PARP4: variants seen among roughly 807,000 people sequenced by gnomAD.
The protein encoded by PARP4 is protein mono-ADP-ribosyltransferase PARP4.
PARP4 carries 120 observed loss-of-function variants against 187.7 expected under a neutral mutation model. The ratio of observed to expected loss-of-function variants is 0.64; its 90% CI spans 0.55 to 0.74. PARP4 has a LOEUF of 0.74. PARP4 is among the 30% of genes least tolerant of loss of function. The probability of loss-of-function intolerance (pLI) is 0.00; values close to 1 mark genes in which losing one functional copy is unlikely to be tolerated. For synonymous variants in PARP4, 654 were observed against 740.9 expected (o/e 0.88, Z 1.90); for missense variants, 1,836 against 2,070.5 (o/e 0.89, Z 2.20).
intron 1 of PARP4, 60 bp from the exon 2 acceptor site, chr13:24,503,837 A>G: frequency 6.9e-7 from 1 of 1,443,114 alleles, no homozygotes; most frequent in Non-Finnish European, 9.7e-7. Flanking sequence ...TGAATTTAGA[A>G]TTATTATACA....
At chr13:24,483,919 G>A (rs143240625) in intron 12 of PARP4, among the ~76,000 whole-genome samples, 3 of 152,144 alleles carry the variant, frequency 2.0e-5, no homozygotes, top group African/African-American at 4.8e-5. Context: ...GAGCTACTGC[G>A]CCTGGCCCCA....
intron 32 of PARP4, among the ~76,000 whole-genome samples, chr13:24,430,354 T>TA (rs971579741): frequency 2.8e-4 from 42 of 151,346 alleles, no homozygotes; most frequent in African/African-American, 7.0e-4. Flanking sequence ...GTATTTTATT[T>TA]AAAAAAAAAA....
At chr13:24,512,466 C>G (rs1438039765) in intron 1 of PARP4, among the ~76,000 whole-genome samples, 2 of 152,090 alleles carry the variant, frequency 1.3e-5, no homozygotes, top group South Asian at 4.1e-4. Flanking sequence ...CCCACCGCAC[C>G]CGGTTTCTCG....
intron 33 of PARP4, among the ~76,000 whole-genome samples, chr13:24,423,564 A>G (rs979105181): frequency 6.6e-6 from 1 of 152,124 alleles, no homozygotes; most frequent in African/African-American, 2.4e-5. Flanking sequence ...ACAAAACAAA[A>G]AAAAAGAAAA....
At chr13:24,509,493 G>C (rs1345971542) in intron 1 of PARP4, among the ~76,000 whole-genome samples, 1 of 143,902 alleles carries the variant, frequency 6.9e-6, no homozygotes, top group Middle Eastern at 3.4e-3. Context: ...GGTGACAAGA[G>C]ACCCTATCTC....
At chr13:24,496,877 G>A (rs953124908) in intron 6 of PARP4, among the ~76,000 whole-genome samples, 10 of 152,134 alleles carry the variant, frequency 6.6e-5, no homozygotes, top group African/African-American at 2.4e-4. Flanking sequence ...ACAAAAATTA[G>A]CCAGGCGTGG....
chr13:24,432,758 A>G (rs760848034), intron 31 of PARP4, among the ~76,000 whole-genome samples: 26 of 151,794 alleles, frequency 1.7e-4, no homozygotes, highest in Non-Finnish European at 2.9e-4. Flanking sequence ...CATGCACTTT[A>G]AAACTACCTT....
At chr13:24,422,055 T>C (rs1361487552) in intron 33 of PARP4, among the ~76,000 whole-genome samples, 1 of 152,190 alleles carries the variant, frequency 6.6e-6, no homozygotes, top group East Asian at 1.9e-4. Flanking sequence ...GTTCCTGAAT[T>C]TTCCCTGTGA....
At chr13:24,433,810 C>T (rs796335511) in intron 31 of PARP4, among the ~76,000 whole-genome samples, 43 of 152,410 alleles carry the variant, frequency 2.8e-4, no homozygotes, top group African/African-American at 8.4e-4. Flanking sequence ...AAGCCCTTTC[C>T]GTTTCACTAA....
chr13:24,500,708 C>T (rs1022063730), intron 3 of PARP4, among the ~76,000 whole-genome samples: 41 of 152,126 alleles, frequency 2.7e-4, no homozygotes, highest in African/African-American at 6.8e-4. Context: ...TCCTGAGAGT[C>T]GGCACATCAC....
chr13:24,463,691 T>C (rs776125372), intron 17 of PARP4, among the ~76,000 whole-genome samples: 2 of 152,134 alleles, frequency 1.3e-5, no homozygotes, highest in Non-Finnish European at 2.9e-5. Context: ...TCCAATATCA[T>C]ACTGAATGGG....
chr13:24,477,538 T>A (rs1873047220), intron 14 of PARP4, among the ~76,000 whole-genome samples, 163 bp downstream of exon 14: 2 of 152,304 alleles, frequency 1.3e-5, no homozygotes, highest in African/African-American at 4.8e-5. Context: ...ATGTTAACAC[T>A]GAGAGAAATT....
intron 25 of PARP4, among the ~76,000 whole-genome samples, chr13:24,449,260 T>G (rs9318564): frequency 2.0e-5 from 3 of 151,668 alleles, no homozygotes; most frequent in East Asian, 3.9e-4. Context: ...TGGTGGCTGG[T>G]GCCTGTAGTA....
intron 26 of PARP4, 33 bp from the exon 27 acceptor site, chr13:24,446,794 G>A (rs1871233400): frequency 7.1e-7 from 1 of 1,414,720 alleles, no homozygotes; most frequent in African/African-American, 1.4e-5. Context: ...TTCCTCATTA[G>A]CCTTTCCACT....
chr13:24,496,310 A>G (rs1868952145), intron 6 of PARP4, among the ~76,000 whole-genome samples: 1 of 152,108 alleles, frequency 6.6e-6, no homozygotes, highest in African/African-American at 2.4e-5. Flanking sequence ...CTTCTTGGAC[A>G]CATTTGACCA....
At chr13:24,478,742 A>G (rs1047698983) in intron 12 of PARP4, among the ~76,000 whole-genome samples, 1 of 152,154 alleles carries the variant, frequency 6.6e-6, no homozygotes, top group Non-Finnish European at 1.5e-5. Context: ...CCTATTTCGC[A>G]TTTCTATGTG....
Position 24,431,457 on chromosome 13 carries a change from G to C in PARP4, c.4766C>G (p.Thr1589Arg), listed in dbSNP as rs1870329876. The change falls in exon 32 of 34, where the codon ACA (threonine) becomes AGA (arginine). Residue 1589 changes from threonine to arginine, a missense_variant. This residue lies in a region of PARP4 where 450 missense variants were observed against 439.2 expected (regional missense o/e 1.02). Transcript: ENST00000381989. ...ATTTAATATAAGTCCCAGTTCTGGT[G>C]TAAGTTTCCAGAAGCCATCCTACAA... ...LQTEDGFWKLTPELGLILNLN... is the reference protein window; with the variant it reads ...LQTEDGFWKLRPELGLILNLN... 1.3e-6 allele frequency: 2 copies of C among 1,587,128 alleles called. No individual in the cohort carries two copies. The highest frequency in any genetic ancestry group is 1.7e-6 in the Non-Finnish European group (2 of 1,169,522).
intron 13 of PARP4, 79 bp from the exon 14 acceptor site, chr13:24,477,936 C>T (rs1873071026): frequency 1.7e-6 from 2 of 1,173,022 alleles, no homozygotes; most frequent in Non-Finnish European, 2.4e-6. Context: ...TTCATAAAAG[C>T]ATGTTTGCTA....
chr13:24,504,781 C>T (rs1490553996), intron 1 of PARP4, among the ~76,000 whole-genome samples: 2 of 151,870 alleles, frequency 1.3e-5, no homozygotes, highest in Non-Finnish European at 2.9e-5. Flanking sequence ...GCAACCTCCA[C>T]CTCCTGGATT....
Sources: allele counts gnomAD v4.1 joint callset (sites outside exome capture counted in the v4.1 genomes callset), GRCh38; gene constraint gnomAD v4.1.1; regional missense constraint gnomAD v4.1.1; transcripts MANE v1.5; gene names NCBI Gene and HGNC (gene_info 2026-07-23, HGNC 2026-07-21).